SRGAP2B: variants seen among roughly 807,000 people sequenced by gnomAD.
The protein encoded by SRGAP2B is SLIT-ROBO Rho GTPase activating protein 2B.
In SRGAP2B, 9 loss-of-function variants were observed where a neutral mutation model predicts 22.2. That is an observed-to-expected ratio of 0.41 (90% CI 0.24 to 0.71). The LOEUF (loss-of-function observed/expected upper bound fraction) is 0.71, where lower values mean the gene tolerates loss of function less well. Ranked by LOEUF, SRGAP2B falls within the 30% of genes least tolerant of loss-of-function variation. The probability of loss-of-function intolerance (pLI) is 0.35; values close to 1 mark genes in which losing one functional copy is unlikely to be tolerated. For missense variants in SRGAP2B, 114 were observed against 235.8 expected, an observed-to-expected ratio of 0.48 and a Z score of 3.38; for synonymous variants, 36 against 87.4, an observed-to-expected ratio of 0.41 and a Z score of 3.28.
chr1:145,089,436 G>A (rs9777766), intron 2 of SRGAP2B, among the ~76,000 whole-genome samples: 20,871 of 115,968 alleles, frequency 0.18, 72 homozygotes, highest in Non-Finnish European at 0.19. Context: ...GCACATGCAA[G>A]CAGGTGGTTT....
intron 2 of SRGAP2B, among the ~76,000 whole-genome samples, chr1:144,998,610 G>T (rs1553618988): frequency 6.6e-6 from 1 of 150,680 alleles, no homozygotes; most frequent in South Asian, 2.1e-4. Context: ...TGGAGAAGGA[G>T]AAGGAAAAGG....
chr1:144,970,133 C>A lies in SRGAP2B; in HGVS notation c.261-14532G>T, dbSNP rs1668390786. Reference sequence around the variant, plus strand: ...AACTAGAAATACCATTTGACCCAGCCATCCCATTACTGGGTATATACCCAA... The same window carrying A: ...AACTAGAAATACCATTTGACCCAGCAATCCCATTACTGGGTATATACCCAA... On this transcript the variant is annotated intron_variant, in intron 3 of 9. Coordinates refer to ENST00000612199, the Ensembl canonical transcript of SRGAP2B. Among the ~76,000 whole-genome samples, 2 of 147,024 alleles carry A rather than the reference C, an allele frequency of 1.4e-5. 1 individual carries two copies. The highest frequency in any genetic ancestry group is 5.2e-5 in the African/African-American group (2 of 38,266).
intron 2 of SRGAP2B, 120 bp from the exon 3 acceptor site, chr1:144,995,320 G>A: frequency 2.6e-6 from 1 of 385,640 alleles, no homozygotes; most frequent in Non-Finnish European, 4.3e-6. Context: ...TGAAAGCCCT[G>A]AACAAAAAAG....
At chr1:144,961,292 A>T (rs587642920) in intron 3 of SRGAP2B, among the ~76,000 whole-genome samples, 39 of 147,294 alleles carry the variant, frequency 2.6e-4, no homozygotes, top group African/African-American at 9.9e-4. Context: ...AGGTTGACAG[A>T]AAGGAATCCA....
chr1:144,910,622 C>T (rs1163765437), intron 5 of SRGAP2B, among the ~76,000 whole-genome samples: 1 of 132,342 alleles, frequency 7.6e-6, no homozygotes, highest in Non-Finnish European at 1.6e-5. Flanking sequence ...TCTAGAGCTT[C>T]CTTGACTCTT....
chr1:144,994,551 A>AAT (rs1670509704), intron 3 of SRGAP2B, among the ~76,000 whole-genome samples: 1 of 117,052 alleles, frequency 8.5e-6, no homozygotes, highest in South Asian at 3.0e-4. Flanking sequence ...TGTGAGTGTG[A>AAT]GTGTGTGTGT....
chr1:145,075,931 T>C (rs17853252), intron 2 of SRGAP2B, among the ~76,000 whole-genome samples: 1 of 149,446 alleles, frequency 6.7e-6, no homozygotes, highest in Non-Finnish European at 1.5e-5. Flanking sequence ...CTACTGAAAA[T>C]ACAAAAATTG....
chr1:145,024,464 GT>G (rs1412075827), intron 2 of SRGAP2B, among the ~76,000 whole-genome samples: 1 of 147,856 alleles, frequency 6.8e-6, no homozygotes, highest in South Asian at 2.1e-4. Context: ...ATAGTAGTTT[GT>G]TTTTGTTTTT....
intron 3 of SRGAP2B, among the ~76,000 whole-genome samples, chr1:144,956,166 C>G (rs370131084): frequency 6.7e-6 from 1 of 149,938 alleles, no homozygotes; most frequent in African/African-American, 2.5e-5. Flanking sequence ...GAGATTTTGT[C>G]TAGACACAAA....
intron 4 of SRGAP2B, among the ~76,000 whole-genome samples, chr1:144,917,563 G>A (rs2101756262): frequency 6.9e-6 from 1 of 144,524 alleles, no homozygotes; most frequent in South Asian, 2.2e-4. Context: ...GAAGAGGAGG[G>A]AAAAGTGTAA....
At chr1:144,990,794 C>T (rs1322805273) in intron 3 of SRGAP2B, among the ~76,000 whole-genome samples, 1 of 151,316 alleles carries the variant, frequency 6.6e-6, no homozygotes, top group Non-Finnish European at 1.5e-5. Context: ...AGCACCCGGG[C>T]CAGTGGCTGC....
chr1:144,993,169 A>C (rs1670391373), intron 3 of SRGAP2B, among the ~76,000 whole-genome samples: 1 of 151,094 alleles, frequency 6.6e-6, no homozygotes, highest in Non-Finnish European at 1.5e-5. Flanking sequence ...AGTGGAACAG[A>C]AACAAGAAAT....
At position 145,083,850 on chromosome 1, in the gene SRGAP2B, TC is replaced by T. The variant is rs1441278991; in HGVS notation, c.67+8984del. On this transcript the variant is annotated intron_variant, in intron 2 of 9. Coordinates refer to ENST00000612199, the Ensembl canonical transcript of SRGAP2B. ...ATTCTTTGCATTGCACTACACAACT[TC>T]AAAACATTCCTACATTCAGAAGTCT... 7.5e-5 allele frequency among the ~76,000 whole-genome samples: 5 copies of T among 66,258 alleles called. No individual in the cohort carries two copies. The Admixed American group carries it at 8.6e-4, about 11-fold the overall frequency. 43.5% of individuals were successfully genotyped at this position (66,258 alleles called of 152,430 possible).
chr1:144,967,483 T>C (rs1172320782), intron 3 of SRGAP2B, among the ~76,000 whole-genome samples: 1 of 143,536 alleles, frequency 7.0e-6, no homozygotes, highest in Admixed American at 7.0e-5. Flanking sequence ...CTGGGACGCA[T>C]TCAAAGCAGT....
chr1:144,922,707 C>T (rs587697166), intron 4 of SRGAP2B, among the ~76,000 whole-genome samples: 5 of 150,144 alleles, frequency 3.3e-5, no homozygotes, highest in Admixed American at 1.3e-4. Context: ...GGATATGGTT[C>T]GACTGTGGGC....
At chr1:144,970,637 T>TAG (rs1306315886) in intron 3 of SRGAP2B, among the ~76,000 whole-genome samples, 15 of 34,754 alleles carry the variant, frequency 4.3e-4, no homozygotes, top group African/African-American at 1.7e-3. Flanking sequence ...CCCTAAAACT[T>TAG]AAAGTATTAA....
chr1:145,007,815 T>C (rs1290016345), intron 2 of SRGAP2B, among the ~76,000 whole-genome samples: 1 of 141,246 alleles, frequency 7.1e-6, no homozygotes, highest in Non-Finnish European at 1.5e-5. Context: ...TTTTTTTTTT[T>C]TTTTTTTTTG....
At chr1:145,019,971 C>T (rs1435476684) in intron 2 of SRGAP2B, among the ~76,000 whole-genome samples, 1 of 151,178 alleles carries the variant, frequency 6.6e-6, no homozygotes, top group African/African-American at 2.5e-5. Context: ...AGGGCTCCAC[C>T]TTAAGGCCTT....
At chr1:144,972,815 GA>G (rs1259563797) in intron 3 of SRGAP2B, among the ~76,000 whole-genome samples, 1 of 145,362 alleles carries the variant, frequency 6.9e-6, no homozygotes, top group African/African-American at 2.7e-5. Flanking sequence ...GAGAATAACA[GA>G]AAAAAGTAGC....
Sources: allele counts gnomAD v4.1 joint callset (sites outside exome capture counted in the v4.1 genomes callset), GRCh38; gene constraint gnomAD v4.1.1; transcripts MANE v1.5; gene names NCBI Gene and HGNC (gene_info 2026-07-23, HGNC 2026-07-21).